TRANK1: variants seen among roughly 807,000 people sequenced by gnomAD.
TRANK1 encodes the protein tetratricopeptide repeat and ankyrin repeat containing 1.
A neutral mutation model predicts 266.0 loss-of-function variants in TRANK1; 198 were observed. That is an observed-to-expected ratio of 0.74 (90% CI 0.66 to 0.84). The LOEUF is 0.84. Ranked by LOEUF, TRANK1 falls within the 40% of genes least tolerant of loss-of-function variation. The probability of loss-of-function intolerance (pLI) is 0.00; values close to 1 mark genes in which losing one functional copy is unlikely to be tolerated. For missense variants in TRANK1, 3,326 were observed against 3,634.6 expected (o/e 0.92, Z 2.18); for synonymous variants, 1,396 against 1,384.1 (o/e 1.01, Z -0.19).
intron 8 of TRANK1, among the ~76,000 whole-genome samples, chr3:36,885,681 T>C (rs1347553776): frequency 6.6e-6 from 1 of 152,142 alleles, no homozygotes; most frequent in African/African-American, 2.4e-5. Flanking sequence ...ACTACAGGCC[T>C]GTGCCACCAC....
At chr3:36,849,695 G>A (rs996903464) in intron 15 of TRANK1, among the ~76,000 whole-genome samples, 2 of 152,220 alleles carry the variant, frequency 1.3e-5, no homozygotes, top group African/African-American at 4.8e-5. Flanking sequence ...GACCACAGGA[G>A]GCTGGGGATA....
rs1259790833 is a variant in TRANK1 at position 36,842,730 on chromosome 3, T to C, written c.5192-20A>G. ...CAAAGTCTAAAATGAGAAAGAAAAG[T>C]GTGTTTGCTTCTCTGGGCTTTCTTT... is the stretch of plus-strand genomic sequence containing the variant. On this transcript the variant is annotated intron_variant, in intron 17 of 23. Coordinates refer to ENST00000645898, the MANE Select transcript of TRANK1 (RefSeq NM_001329998.2). 7 of 1,605,530 alleles carry C rather than the reference T, an allele frequency of 4.4e-6. No individual in the cohort carries two copies. The highest frequency in any genetic ancestry group is 6.0e-6 in the Non-Finnish European group (7 of 1,173,896).
chr3:36,839,949 T>C (rs1354733385), intron 18 of TRANK1, among the ~76,000 whole-genome samples: 9 of 152,216 alleles, frequency 5.9e-5, no homozygotes, highest in Admixed American at 5.2e-4. Context: ...ACCTGAGTCC[T>C]GAAGTCCTTT....
chr3:36,879,857 C>A (rs796531977), intron 8 of TRANK1, among the ~76,000 whole-genome samples: 3 of 87,104 alleles, frequency 3.4e-5, no homozygotes, highest in East Asian at 1.0e-3. Context: ...TGTAAATATA[C>A]AAATATATGT....
At chr3:36,835,313 C>T (rs1215474294) in intron 20 of TRANK1, among the ~76,000 whole-genome samples, 1 of 87,220 alleles carries the variant, frequency 1.1e-5, no homozygotes, top group Non-Finnish European at 2.1e-5. Flanking sequence ...AGCGAGACTC[C>T]GTCTCAAAAA....
rs369402678 is a variant in TRANK1, at chr3:36,879,725, AAT to A, written c.908-5431_908-5430del. Among the ~76,000 whole-genome samples the A allele has an allele frequency of 8.6e-4, 83 of 96,880 alleles. 13 individuals carry two copies. The highest frequency in any genetic ancestry group is 1.6e-3 in the East Asian group (4 of 2,500). 63.6% of individuals were successfully genotyped at this position (96,880 alleles called of 152,430 possible). The stretch of plus-strand genomic sequence containing the variant: ...ATAAATATAAATATATAAATATATA[AAT>A]ATATATAAATATACAAATATATAAA... On this transcript the variant is annotated intron_variant, in intron 8 of 23. Coordinates refer to ENST00000645898, the MANE Select transcript of TRANK1 (RefSeq NM_001329998.2).
At chr3:36,880,338 G>T in intron 8 of TRANK1, 1 of 399,590 alleles carries the variant, frequency 2.5e-6, no homozygotes, top group Non-Finnish European at 5.3e-6. Context: ...ACTGCTGTCT[G>T]TGGCACCAAT....
chr3:36,943,095 G>T (rs900923946), intron 1 of TRANK1, among the ~76,000 whole-genome samples: 1 of 151,752 alleles, frequency 6.6e-6, no homozygotes, highest in African/African-American at 2.4e-5. Flanking sequence ...CGGAGGCTGC[G>T]GCAGGAGAAT....
intron 9 of TRANK1, among the ~76,000 whole-genome samples, chr3:36,873,563 A>G (rs1465251076): frequency 1.3e-5 from 2 of 152,182 alleles, no homozygotes; most frequent in African/African-American, 2.4e-5. Flanking sequence ...CTAATTTGCA[A>G]TTTTTAGAAT....
At chr3:36,914,830 G>A (rs993841600) in intron 1 of TRANK1, among the ~76,000 whole-genome samples, 1 of 151,498 alleles carries the variant, frequency 6.6e-6, no homozygotes, top group African/African-American at 2.4e-5. Context: ...TAGAGACGGG[G>A]TTTCACCATG....
chr3:36,907,214 G>A (rs921226853), intron 2 of TRANK1, among the ~76,000 whole-genome samples: 4 of 152,172 alleles, frequency 2.6e-5, no homozygotes, highest in African/African-American at 9.7e-5. Flanking sequence ...TCAATGGCAC[G>A]ATCTCGGCTC....
chr3:36,893,756 T>C (rs1214522593), intron 5 of TRANK1, among the ~76,000 whole-genome samples: 1 of 152,236 alleles, frequency 6.6e-6, no homozygotes, highest in Non-Finnish European at 1.5e-5. Context: ...GGCTCTGTTA[T>C]GACCATGACT....
chr3:36,860,664 G>T (rs1386058183), intron 11 of TRANK1, among the ~76,000 whole-genome samples: 1 of 150,788 alleles, frequency 6.6e-6, no homozygotes, highest in Admixed American at 6.6e-5. Flanking sequence ...AACACCTGAT[G>T]TTTCCCATAC....
At chr3:36,829,404 T>C (rs938387454) in intron 23 of TRANK1, among the ~76,000 whole-genome samples, 160 bp downstream of exon 23, 1 of 152,166 alleles carries the variant, frequency 6.6e-6, no homozygotes, top group Non-Finnish European at 1.5e-5. Flanking sequence ...AGATATTATG[T>C]TGCTAGTAAT....
At chr3:36,865,940 AAGAGAG>A (rs200675682) in intron 9 of TRANK1, among the ~76,000 whole-genome samples, 12 of 148,964 alleles carry the variant, frequency 8.1e-5, no homozygotes, top group African/African-American at 1.7e-4. Flanking sequence ...AAAGAAAAAA[AAGAGAG>A]AGAGAGAGAG....
At chr3:36,871,586 C>A (rs904529154) in intron 9 of TRANK1, among the ~76,000 whole-genome samples, 7 of 152,088 alleles carry the variant, frequency 4.6e-5, no homozygotes, top group Non-Finnish European at 8.8e-5. Flanking sequence ...ACTCATTATA[C>A]AACCTCACGA....
chr3:36,900,870 A>AAAAAAAAAAAAAAAAAAT, intron 3 of TRANK1, among the ~76,000 whole-genome samples: 1 of 147,512 alleles, frequency 6.8e-6, no homozygotes, highest in South Asian at 2.1e-4. Context: ...AAAAAAAAAA[A>AAAAAAAAAAAAAAAAAAT]AAAAAAGATA....
At chr3:36,834,980 A>C in intron 20 of TRANK1, 73 bp from the exon 21 acceptor site, 5 of 1,362,114 alleles carry the variant, frequency 3.7e-6, no homozygotes, top group Non-Finnish European at 4.9e-6. Context: ...CAATACCACA[A>C]GTAATAAAGA....
At chr3:36,861,676 A>G (rs1218821713) in intron 10 of TRANK1, among the ~76,000 whole-genome samples, 5 of 148,232 alleles carry the variant, frequency 3.4e-5, no homozygotes, top group Non-Finnish European at 6.0e-5. Flanking sequence ...CCCACTTCAT[A>G]CTGTTGGTGA....
Sources: allele counts gnomAD v4.1 joint callset (sites outside exome capture counted in the v4.1 genomes callset), GRCh38; gene constraint gnomAD v4.1.1; transcripts MANE v1.5; gene names NCBI Gene and HGNC (gene_info 2026-07-23, HGNC 2026-07-21).